Variants in MCF2L2 observed in about 807,000 individuals in gnomAD.
MCF2L2 encodes MCF.2 cell line derived transforming sequence-like 2, also known as probable guanine nucleotide exchange factor MCF2L2.
MCF2L2 carries 102 observed loss-of-function variants against 150.2 expected under a neutral mutation model. That is an observed-to-expected ratio of 0.68 (90% CI 0.58 to 0.80). The LOEUF (loss-of-function observed/expected upper bound fraction) is 0.80. Among genes scored for constraint, MCF2L2 ranks in the 30% least tolerant of loss-of-function variants. The pLI is 0.00. For missense variants in MCF2L2, 1,256 were observed against 1,372.8 expected (o/e 0.91, Z 1.34); for synonymous variants, 465 against 491.3 (o/e 0.95, Z 0.71).
Position 183,276,880 on chromosome 3 carries a change from G to A in MCF2L2, c.1854C>T (p.Ser618=), listed in dbSNP as rs1443161801. 1 of 1,608,170 alleles carries A rather than the reference G, an allele frequency of 6.2e-7. No individual in the cohort carries two copies. Among genetic ancestry groups the A allele is most frequent in the Non-Finnish European group, 8.5e-7 (1 of 1,176,976 alleles). ...LEQQARLGDL[S]PRRRIIRDLL... ...CGGATGTGCAGTCTTACCTGCGGGG[G>A]GAAAGGTCTCCGAGCCTGGCCTGCT... The change falls in exon 15 of 30, where the codon TCC becomes TCT. Residue 618 remains serine (S), a synonymous_variant. Coordinates refer to ENST00000328913, the MANE Select transcript of MCF2L2 (RefSeq NM_015078.4).
chr3:183,252,716 T>G (rs1724615227), intron 15 of MCF2L2, among the ~76,000 whole-genome samples: 1 of 152,242 alleles, frequency 6.6e-6, no homozygotes, highest in South Asian at 2.1e-4. Flanking sequence ...CTTGTTCCTT[T>G]TACGACAAAC....
At chr3:183,229,489 A>T (rs1354333022) in intron 17 of MCF2L2, among the ~76,000 whole-genome samples, 177 bp downstream of exon 17, 1 of 152,082 alleles carries the variant, frequency 6.6e-6, no homozygotes. Flanking sequence ...CTCTCCAGGG[A>T]TCCTGTGGGG....
chr3:183,326,358 G>A (rs189402611), intron 5 of MCF2L2, among the ~76,000 whole-genome samples: 2 of 151,936 alleles, frequency 1.3e-5, no homozygotes, highest in Non-Finnish European at 2.9e-5. Context: ...CGGGCATGGT[G>A]GTGGGTGCCT....
At chr3:183,216,580 ATTTTTTTTTTTTTTTTTTTTTTTTT>A (rs1160267005) in intron 21 of MCF2L2, among the ~76,000 whole-genome samples, 2 of 3,856 alleles carry the variant, frequency 5.2e-4, no homozygotes, top group Non-Finnish European at 2.0e-3. Flanking sequence ...ATATATATAT[ATTTTTTTTTTTTTTTTTTTTTTTTT>A]TTTTTTTTTT....
chr3:183,343,795 GT>G (rs1253619377), intron 3 of MCF2L2, among the ~76,000 whole-genome samples: 5 of 152,084 alleles, frequency 3.3e-5, no homozygotes, highest in Non-Finnish European at 7.4e-5. Context: ...ACTAATCAAA[GT>G]AAAAATAACA....
rs1270592026 is a variant in MCF2L2, at chr3:183,234,841, T to C, written c.1863-3824A>G. The stretch of plus-strand genomic sequence containing the variant: ...TAGGTATATCTCCCAATGCTATCCC[T>C]CCCCTCTCCCCCGACCCCACCACAG... On this transcript the variant is annotated intron_variant, in intron 15 of 29. Coordinates refer to ENST00000328913, the MANE Select transcript of MCF2L2 (RefSeq NM_015078.4). Among the ~76,000 whole-genome samples the C allele has an allele frequency of 1.1e-4, 13 of 123,462 alleles. No individual in the cohort carries two copies. The East Asian group carries it at 2.7e-3, about 26-fold the overall frequency. 81.0% of individuals were successfully genotyped at this position (123,462 alleles called of 152,430 possible).
At chr3:183,282,526 G>A (rs1577021482) in intron 14 of MCF2L2, among the ~76,000 whole-genome samples, 1 of 152,260 alleles carries the variant, frequency 6.6e-6, no homozygotes, top group Middle Eastern at 3.4e-3. Context: ...ATGTAATTCT[G>A]TTTAAAATAT....
intron 10 of MCF2L2, among the ~76,000 whole-genome samples, chr3:183,300,863 A>C (rs1560009471): frequency 6.6e-6 from 1 of 151,846 alleles, no homozygotes; most frequent in South Asian, 2.1e-4. Context: ...CTAAATACAA[A>C]AATTAGATGG....
chr3:183,244,787 T>A (rs1203279078), intron 15 of MCF2L2, among the ~76,000 whole-genome samples: 6 of 152,100 alleles, frequency 3.9e-5, no homozygotes, highest in African/African-American at 1.4e-4. Flanking sequence ...GGCCCAGGGC[T>A]CTGAAACATT....
chr3:183,317,978 T>A, intron 7 of MCF2L2, 90 bp downstream of exon 7: 1 of 1,485,868 alleles, frequency 6.7e-7, no homozygotes, highest in Non-Finnish European at 9.1e-7. Context: ...AACGAGGGCT[T>A]AACTGTTAAT....
Position 183,318,175 on chromosome 3 carries a change from T to C in MCF2L2, c.646A>G (p.Met216Val). Residue 216 changes from methionine to valine, a missense_variant, in exon 7 of 30, where the codon ATG becomes GTG. Met to Val is a conservative substitution (Grantham distance 21). Coordinates refer to ENST00000328913, the MANE Select transcript of MCF2L2 (RefSeq NM_015078.4). ...AGGCAGGACCCAAACGTCTGCAGCA[T>C]CTGGGCAGTGGTCTTCAAGGTCAAG... ...FALTLKTTAQ[M>V]LQTFGSCLAT... 6.2e-7 allele frequency: 1 copy of C among 1,614,210 alleles called. No homozygotes were observed.
At chr3:183,410,162 T>C (rs1038869498) in intron 1 of MCF2L2, among the ~76,000 whole-genome samples, 1 of 152,146 alleles carries the variant, frequency 6.6e-6, no homozygotes, top group Admixed American at 6.5e-5. Context: ...CCCCTCTCCA[T>C]CTATCTAAAT....
chr3:183,383,666 T>G, intron 2 of MCF2L2, among the ~76,000 whole-genome samples: 1 of 152,260 alleles, frequency 6.6e-6, no homozygotes. Flanking sequence ...TTCATTATTC[T>G]CATGTAGCTA....
chr3:183,382,808 A>G (rs1368173736), intron 2 of MCF2L2, among the ~76,000 whole-genome samples: 1 of 152,200 alleles, frequency 6.6e-6, no homozygotes, highest in Non-Finnish European at 1.5e-5. Context: ...CTTGGGGTAC[A>G]TAAGGTGATT....
In MCF2L2 at chr3:183,305,636, G is replaced by A. The variant is rs1244548750; in HGVS notation, c.1113+4080C>T. ...GAAGCCAAGGCCGGCGGATCACAAG[G>A]TCAGGAGTTAGAGACCAGCCTGACC... On this transcript the variant is annotated intron_variant, in intron 10 of 29. Transcript: ENST00000328913. The surrounding 1 kb of genome is among the most constrained non-coding windows in gnomAD (Gnocchi z 4.1). Among the ~76,000 whole-genome samples the A allele has an allele frequency of 6.6e-6, 1 of 152,200 alleles. No individual in the cohort carries two copies. The highest frequency in any genetic ancestry group is 1.5e-5 in the Non-Finnish European group (1 of 68,034).
At chr3:183,300,905 C>T (rs149893435) in intron 10 of MCF2L2, among the ~76,000 whole-genome samples, 1,742 of 151,006 alleles carry the variant, frequency 0.012, 23 homozygotes, top group Non-Finnish European at 0.017. Flanking sequence ...ATCCCAACTA[C>T]TCAGGAGGCT....
chr3:183,309,300 C>G (rs1346016233), intron 10 of MCF2L2, among the ~76,000 whole-genome samples: 1 of 151,618 alleles, frequency 6.6e-6, no homozygotes, highest in South Asian at 2.1e-4. Flanking sequence ...TTGAAAGTTT[C>G]CCATCCTTAC....
At chr3:183,400,346 A>C (rs1329188557) in intron 1 of MCF2L2, 4 of 452,672 alleles carry the variant, frequency 8.8e-6, no homozygotes, top group African/African-American at 8.0e-5. Context: ...TTGCTTCCAC[A>C]CTACCTTTTT....
chr3:183,193,832 G>A (rs1242274868), intron 26 of MCF2L2, among the ~76,000 whole-genome samples: 1 of 152,170 alleles, frequency 6.6e-6, no homozygotes, highest in Non-Finnish European at 1.5e-5. Context: ...AGATATGCCT[G>A]AGCTAAACCT....
Sources: gnomAD v4.1 joint callset for allele counts (sites outside exome capture counted in the v4.1 genomes callset) on GRCh38, gnomAD v4.1.1 for gene constraint, Gnocchi (gnomAD v3.1) non-coding constraint, MANE v1.5 for transcripts, NCBI Gene and HGNC (gene_info 2026-07-23, HGNC 2026-07-21) for gene names.